PSAP: variants seen among roughly 807,000 people sequenced by gnomAD.
PSAP encodes the protein prosaposin, also known as precursor of saposins.
PSAP carries 25 observed loss-of-function variants against 66.0 expected under a neutral mutation model. The observed-to-expected ratio is 0.38, with a 90% CI of 0.28 to 0.53. The LOEUF is 0.53. PSAP is among the 20% of genes least tolerant of loss of function. PSAP has a pLI of 0.83. For missense variants in PSAP, 649 were observed against 668.8 expected (o/e 0.97, Z 0.33); for synonymous variants, 273 against 258.9 (o/e 1.05, Z -0.52).
At chr10:71,842,001 G>A (rs1200324072) in intron 1 of PSAP, among the ~76,000 whole-genome samples, 2 of 142,384 alleles carry the variant, frequency 1.4e-5, no homozygotes, top group Non-Finnish European at 3.1e-5. Flanking sequence ...GTGAGACTCC[G>A]TCTTAAAAAA....
chr10:71,848,369 G>A (rs776680374), intron 1 of PSAP, among the ~76,000 whole-genome samples: 15 of 152,180 alleles, frequency 9.9e-5, no homozygotes, highest in Non-Finnish European at 7.3e-5. Context: ...TGGAAAAAGC[G>A]AGCACTGTGG....
In PSAP at chr10:71,817,023, TG is replaced by T. The variant is rs1433226357; in HGVS notation, c.*417del. On this transcript the variant is annotated 3_prime_UTR_variant, in exon 14 of 14. Transcript: ENST00000394936. ...GGCCCAGGAAAGCGGGGAGGGTCCCTGATCAGGGCAGGAGGCCACCTCAGAA... is the reference window on the plus strand; with the variant it reads ...GGCCCAGGAAAGCGGGGAGGGTCCCTATCAGGGCAGGAGGCCACCTCAGAA... 7.4e-6 allele frequency: 2 copies of T among 271,878 alleles called. No individual in the cohort carries two copies. Among genetic ancestry groups the T allele is most frequent in the African/African-American group, 4.4e-5 (2 of 45,844 alleles). The allele number at this position is 271,878 out of a possible 1,614,324, so 16.8% of individuals were successfully genotyped here.
chr10:71,833,489 C>T (rs1842560232), intron 2 of PSAP, among the ~76,000 whole-genome samples: 1 of 152,182 alleles, frequency 6.6e-6, no homozygotes, highest in South Asian at 2.1e-4. Flanking sequence ...CCACAGAAGG[C>T]AGTTTTCCAG....
intron 8 of PSAP, among the ~76,000 whole-genome samples, chr10:71,821,565 T>C (rs938124002): frequency 2.0e-5 from 3 of 152,286 alleles, no homozygotes; most frequent in African/African-American, 7.2e-5. Flanking sequence ...AGACAGTGCA[T>C]GTGAGAAGGT....
intron 4 of PSAP, among the ~76,000 whole-genome samples, chr10:71,829,512 G>A (rs942416346): frequency 2.0e-4 from 31 of 152,174 alleles, no homozygotes; most frequent in African/African-American, 7.0e-4. Context: ...TGCCATGTAA[G>A]ATGTGGCTTT....
At chr10:71,827,924 G>A in intron 6 of PSAP, 90 bp downstream of exon 6, 2 of 1,547,610 alleles carry the variant, frequency 1.3e-6, no homozygotes, top group Non-Finnish European at 1.8e-6. Context: ...GGAAAAAAGA[G>A]AAGGATGTTG....
At chr10:71,836,394 C>A (rs1210055173) in intron 1 of PSAP, among the ~76,000 whole-genome samples, 2 of 152,120 alleles carry the variant, frequency 1.3e-5, no homozygotes, top group Admixed American at 1.3e-4. Flanking sequence ...AGGGTAAGGG[C>A]TCTGGGGACT....
rs200999229 is a variant in PSAP, at chr10:71,820,369, G to A, written c.910-34C>T. Reference sequence around the variant, plus strand: ...AGAGTAGAAGGAGAGTACTTTCAATGCTGGGACTCACAGCCCTTGGTCTTG... The same window carrying A: ...AGAGTAGAAGGAGAGTACTTTCAATACTGGGACTCACAGCCCTTGGTCTTG... On this transcript the variant is annotated intron_variant, in intron 8 of 13. Coordinates refer to ENST00000394936, the MANE Select transcript of PSAP (RefSeq NM_002778.4). 2.6e-6 allele frequency: 4 copies of A among 1,563,100 alleles called. No individual in the cohort carries two copies. In the African/African-American group the frequency reaches 4.1e-5, roughly 16 times the overall value.
chr10:71,831,147 C>G lies in PSAP; in HGVS notation c.354G>C (p.Leu118=), dbSNP rs759556759. The part of the protein sequence containing the change: ...EIVDSYLPVI[L]DIIKGEMSRP... Reference sequence around the variant, plus strand: ...TTACCATTTCTCCTTTAATGATGTCCAGGATGACAGGGAGGTAGGAGTCCA... The same window carrying G: ...TTACCATTTCTCCTTTAATGATGTCGAGGATGACAGGGAGGTAGGAGTCCA... Residue 118 remains leucine, a synonymous_variant, in exon 4 of 14, where the codon CTG becomes CTC. Transcript: ENST00000394936. The G allele has an allele frequency of 2.5e-5, 40 of 1,613,972 alleles. No individual in the cohort carries two copies. Among genetic ancestry groups the G allele is most frequent in the Admixed American group, 5.0e-5 (3 of 59,980 alleles).
intron 1 of PSAP, 141 bp from the exon 2 acceptor site, chr10:71,834,646 G>T: frequency 9.3e-7 from 1 of 1,077,912 alleles, no homozygotes; most frequent in Non-Finnish European, 1.4e-6. Context: ...TGGGACACCA[G>T]CCACACAGAT....
chr10:71,849,532 C>T (rs1221383748), intron 1 of PSAP, among the ~76,000 whole-genome samples: 2 of 151,816 alleles, frequency 1.3e-5, no homozygotes, highest in Non-Finnish European at 2.9e-5. Flanking sequence ...ACCCGGAAGG[C>T]GGAGGTTGCA....
At chr10:71,824,313 C>G in intron 7 of PSAP, among the ~76,000 whole-genome samples, 1 of 152,222 alleles carries the variant, frequency 6.6e-6, no homozygotes. Flanking sequence ...GAACAAGACA[C>G]AGGGCTGCCC....
In PSAP at chr10:71,819,495, G is replaced by A. The variant is rs1842249600; in HGVS notation, c.1320C>T (p.Cys440=). Residue 440 remains cysteine, a synonymous_variant, in exon 11 of 14, where the codon TGC becomes TGT. Transcript: ENST00000394936. ...TCTGGTAAGGGTCTGGCAGGAAGCT[G>A]CAGCCTTTCTCAAGAGCAGCCAGGA... The part of the protein sequence containing the change: ...QEILAALEKG[C]SFLPDPYQKQ... 1 of 1,614,242 alleles carries A rather than the reference G, an allele frequency of 6.2e-7. No homozygotes were observed. Among genetic ancestry groups the A allele is most frequent in the Non-Finnish European group, 8.5e-7 (1 of 1,180,040 alleles).
chr10:71,842,160 A>C (rs1455650873), intron 1 of PSAP, among the ~76,000 whole-genome samples: 1 of 152,218 alleles, frequency 6.6e-6, no homozygotes, highest in Non-Finnish European at 1.5e-5. Context: ...AATCCTCATG[A>C]TAAAACCAAG....
chr10:71,845,336 C>T (rs958013443), intron 1 of PSAP, among the ~76,000 whole-genome samples: 26 of 152,166 alleles, frequency 1.7e-4, no homozygotes, highest in African/African-American at 5.1e-4. Flanking sequence ...TGGCTCTCTA[C>T]GGGGGCAGCT....
chr10:71,848,009 T>G (rs950105717), intron 1 of PSAP, among the ~76,000 whole-genome samples: 10 of 152,220 alleles, frequency 6.6e-5, no homozygotes, highest in African/African-American at 2.2e-4. Context: ...AGGGAGCACC[T>G]GCCACATCCC....
chr10:71,818,425 T>G (rs181772274), intron 13 of PSAP, among the ~76,000 whole-genome samples, 192 bp downstream of exon 13: 164 of 152,318 alleles, frequency 1.1e-3, no homozygotes, highest in African/African-American at 3.6e-3. Context: ...CACCCTTCAC[T>G]ACAAGAGTGT....
At chr10:71,843,925 G>C (rs528882978) in intron 1 of PSAP, among the ~76,000 whole-genome samples, 26 of 152,154 alleles carry the variant, frequency 1.7e-4, no homozygotes, top group African/African-American at 6.0e-4. Flanking sequence ...CTGGGGGAAG[G>C]GTATACAGGA....
chr10:71,820,385 CTT>C lies in PSAP; in HGVS notation c.910-52_910-51del, dbSNP rs1842276513. On this transcript the variant is annotated intron_variant, in intron 8 of 13. Coordinates refer to ENST00000394936, the MANE Select transcript of PSAP (RefSeq NM_002778.4). ...ACTTTCAATGCTGGGACTCACAGCCCTTGGTCTTGCTCCCCTAAAGGAAAGGG... is the reference window on the plus strand; with the variant it reads ...ACTTTCAATGCTGGGACTCACAGCCCGGTCTTGCTCCCCTAAAGGAAAGGG... 4.7e-6 allele frequency: 7 copies of C among 1,491,606 alleles called. No homozygotes were observed. The East Asian group carries it at 1.6e-4, about 34-fold the overall frequency. The allele number at this position is 1,491,606 out of a possible 1,614,324, so 92.4% of individuals were successfully genotyped here. A position where few individuals can be genotyped will look rare whatever the true frequency, so the allele number is the denominator to read the frequency against.
Sources: gnomAD v4.1 joint callset for allele counts (sites outside exome capture counted in the v4.1 genomes callset) on GRCh38, gnomAD v4.1.1 for gene constraint, MANE v1.5 for transcripts, NCBI Gene and HGNC (gene_info 2026-07-23, HGNC 2026-07-21) for gene names.